Variants in MTO1 observed in about 807,000 individuals in gnomAD.
MTO1 encodes the protein mitochondrial tRNA translation optimization 1.
Under a neutral mutation model 71.6 loss-of-function variants are expected in MTO1, and 46 were observed. That is an observed-to-expected ratio of 0.64 (90% CI 0.51 to 0.82). The LOEUF (loss-of-function observed/expected upper bound fraction) is 0.82, where lower values mean the gene tolerates loss of function less well. Among genes scored for constraint, MTO1 ranks in the 40% least tolerant of loss-of-function variants. MTO1 has a pLI of 0.00. For synonymous variants in MTO1, 297 were observed against 312.1 expected, an observed-to-expected ratio of 0.95 and a Z score of 0.51; for missense variants, 773 against 867.5, an observed-to-expected ratio of 0.89 and a Z score of 1.37.
intron 9 of MTO1, among the ~76,000 whole-genome samples, chr6:73,485,940 TACACAC>T (rs57534567): frequency 6.6e-6 from 1 of 151,130 alleles, no homozygotes; most frequent in East Asian, 1.9e-4. Context: ...GCGTAACACA[TACACAC>T]ACACACACAC....
intron 6 of MTO1, 109 bp from the exon 7 acceptor site, chr6:73,480,566 G>A: frequency 7.2e-7 from 1 of 1,388,536 alleles, no homozygotes; most frequent in South Asian, 1.3e-5. Flanking sequence ...CACTGCTCCT[G>A]ACCTAAATAG....
rs1469464792 is a variant in MTO1 at position 73,505,332 on chromosome 6, A to G, written c.*4597A>G. 2 of 152,262 alleles carry G rather than the reference A, an allele frequency of 1.3e-5. No homozygotes were observed. Among genetic ancestry groups the G allele is most frequent in the African/African-American group, 4.8e-5 (2 of 41,480 alleles). The allele number at this position is 152,262 out of a possible 1,614,324, so 9.4% of individuals were successfully genotyped here. On this transcript the variant is annotated 3_prime_UTR_variant, in exon 12 of 12. Coordinates refer to ENST00000498286, the MANE Select transcript of MTO1 (RefSeq NM_012123.4). Reference sequence around the variant, plus strand: ...GGAATATTATACAGCCTTAAAAAGGAAGGAAATTCATATACATGCTACAGC... The same window carrying G: ...GGAATATTATACAGCCTTAAAAAGGGAGGAAATTCATATACATGCTACAGC...
chr6:73,473,216 T>C, intron 3 of MTO1, 149 bp from the exon 4 acceptor site: 1 of 791,806 alleles, frequency 1.3e-6, no homozygotes. Flanking sequence ...GAGGCGGAGG[T>C]TGCAGTGAGC....
At chr6:73,464,570 G>A (rs1245915384) in intron 1 of MTO1, among the ~76,000 whole-genome samples, 3 of 151,364 alleles carry the variant, frequency 2.0e-5, no homozygotes, top group Non-Finnish European at 2.9e-5. Context: ...ACCTGATGTC[G>A]GAAGTTCGAG....
rs375125275 is a variant in MTO1, at chr6:73,466,248, A to G, written c.257A>G (p.Lys86Arg). Residue 86 changes from lysine (K) to arginine (R), a missense_variant, in exon 2 of 12, where the codon AAG (lysine) becomes AGG (arginine). Lys to Arg is a conservative substitution (Grantham distance 26). Transcript: ENST00000498286. Reference protein sequence around the residue: ...SCNPSFGGIGKGHLMREVDAL... With the variant: ...SCNPSFGGIGRGHLMREVDAL... ...AATCCTTCCTTTGGTGGCATCGGAAAGGGACATTTAATGAGGGAAGTAGAT... is the reference window on the plus strand; with the variant it reads ...AATCCTTCCTTTGGTGGCATCGGAAGGGGACATTTAATGAGGGAAGTAGAT... 1.2e-6 allele frequency: 2 copies of G among 1,613,986 alleles called. No individual in the cohort carries two copies. Among genetic ancestry groups the G allele is most frequent in the African/African-American group, 2.7e-5 (2 of 74,934 alleles).
At chr6:73,477,122 G>T (rs1479018944) in intron 4 of MTO1, among the ~76,000 whole-genome samples, 1 of 150,832 alleles carries the variant, frequency 6.6e-6, no homozygotes, top group Non-Finnish European at 1.5e-5. Context: ...GAGTCCAGGC[G>T]CAGTGGCTCA....
At chr6:73,475,791 T>A (rs1049173867) in intron 4 of MTO1, among the ~76,000 whole-genome samples, 1 of 151,844 alleles carries the variant, frequency 6.6e-6, no homozygotes, top group Non-Finnish European at 1.5e-5. Flanking sequence ...GGATTACAGG[T>A]GTGAGCCATC....
intron 4 of MTO1, 132 bp downstream of exon 4, chr6:73,473,786 A>ATTTTTT (rs112494055): frequency 2.3e-6 from 1 of 429,586 alleles, no homozygotes; most frequent in South Asian, 2.9e-5. Flanking sequence ...CAAAGAAATG[A>ATTTTTT]TTTTTTTTTT....
Position 73,478,958 on chromosome 6 carries a change from G to A in MTO1, c.826-774G>A, listed in dbSNP as rs574496871. On this transcript the variant is annotated intron_variant, in intron 4 of 11. Transcript: ENST00000498286. ...GGCTGGAGTGCAATGGTGCAATCTC[G>A]GCTCACTGCAACCTCCGCCTCCCAG... Among the ~76,000 whole-genome samples, 272 of 145,052 alleles carry A rather than the reference G, an allele frequency of 1.9e-3. 4 individuals are homozygous for A. Among genetic ancestry groups the A allele is most frequent in the Non-Finnish European group, 7.2e-4 (48 of 66,772 alleles).
At chr6:73,479,622 C>T (rs946444740) in intron 4 of MTO1, 110 bp from the exon 5 acceptor site, 3 of 752,776 alleles carry the variant, frequency 4.0e-6, no homozygotes, top group African/African-American at 1.8e-5. Context: ...AGGCATTATG[C>T]ACAAGTTTAG....
chr6:73,481,986 A>T, intron 7 of MTO1, 54 bp from the exon 8 acceptor site: 1 of 1,589,900 alleles, frequency 6.3e-7, no homozygotes, highest in Non-Finnish European at 8.6e-7. Flanking sequence ...TCTGAATGGG[A>T]TAGCCGTTTG....
At chr6:73,492,463 CA>C (rs1771839874) in intron 10 of MTO1, 111 bp downstream of exon 10, 1 of 716,044 alleles carries the variant, frequency 1.4e-6, no homozygotes, top group Non-Finnish European at 2.4e-6. Context: ...CTGTGCTTTT[CA>C]AAAGTGTGGT....
intron 3 of MTO1, among the ~76,000 whole-genome samples, chr6:73,470,147 A>G (rs549613381): frequency 6.6e-6 from 1 of 152,292 alleles, no homozygotes; most frequent in South Asian, 2.1e-4. Flanking sequence ...ATGGTAAGAG[A>G]GGCTGTGCCA....
chr6:73,473,717 G>A (rs1262467253), intron 4 of MTO1, 63 bp downstream of exon 4: 6 of 947,644 alleles, frequency 6.3e-6, no homozygotes, highest in Non-Finnish European at 8.5e-6. Context: ...AGGAAGTACT[G>A]TAACTTTTTT....
Position 73,461,862 on chromosome 6 carries a change from A to G in MTO1, c.8A>G (p.Tyr3Cys), listed in dbSNP as rs769183932. 2.2e-5 allele frequency: 35 copies of G among 1,612,904 alleles called. No homozygotes were observed. The highest frequency in any genetic ancestry group is 4.0e-5 in the African/African-American group (3 of 74,920). The change falls in exon 1 of 12, where the codon TAC (tyrosine) becomes TGC (cysteine). Residue 3 changes from tyrosine (Y) to cysteine (C), a missense_variant. Transcript: ENST00000498286. ...ATAGATTTTTCTCCCAGCATGTTCT[A>G]CTTCCGAGGCTGTGGCCGTTGGGTC... The part of the protein sequence containing the change: MF[Y>C]FRGCGRWVAV...
chr6:73,492,261 A>T lies in MTO1; in HGVS notation c.1665A>T (p.Glu555Asp). 6.2e-7 allele frequency: 1 copy of T among 1,613,552 alleles called. No individual in the cohort carries two copies. Among genetic ancestry groups the T allele is most frequent in the South Asian group, 1.1e-5 (1 of 91,066 alleles). Residue 555 changes from glutamate to aspartate, a missense_variant, in exon 10 of 12, where the codon GAA becomes GAT. By Grantham distance (45) the Glu-to-Asp change is conservative. Transcript: ENST00000498286. Reference protein sequence around the residue: ...VRALDVLKYEEVDMDSLAKAV... With the variant: ...VRALDVLKYEDVDMDSLAKAV... Reference sequence around the variant, plus strand: ...CTCTCGATGTTCTGAAGTATGAGGAAGTTGACATGGATTCATTAGCCAAGG... The same window carrying T: ...CTCTCGATGTTCTGAAGTATGAGGATGTTGACATGGATTCATTAGCCAAGG...
intron 9 of MTO1, among the ~76,000 whole-genome samples, chr6:73,485,096 C>T (rs1286830143): frequency 6.8e-6 from 1 of 147,176 alleles, no homozygotes; most frequent in African/African-American, 2.5e-5. Context: ...TCTTTTATAA[C>T]AAATATCACA....
At position 73,483,366 on chromosome 6, in the gene MTO1, G is replaced by A. The variant is rs1056074707; in HGVS notation, c.1637+746G>A. Reference sequence around the variant, plus strand: ...AGAGGTTGCAGTGAGCCAAGATCACGCCTCTGCACTCCAGCCTGGGTGAGA... The same window carrying A: ...AGAGGTTGCAGTGAGCCAAGATCACACCTCTGCACTCCAGCCTGGGTGAGA... On this transcript the variant is annotated intron_variant, in intron 9 of 11. Transcript: ENST00000498286. 5.3e-5 allele frequency among the ~76,000 whole-genome samples: 8 copies of A among 151,948 alleles called. No individual in the cohort carries two copies. The South Asian group carries it at 6.2e-4, about 12-fold the overall frequency.
chr6:73,483,242 C>G (rs1771562957), intron 9 of MTO1, among the ~76,000 whole-genome samples: 1 of 151,972 alleles, frequency 6.6e-6, no homozygotes, highest in Non-Finnish European at 1.5e-5. Context: ...AATCCCATCT[C>G]TACTAAAAAT....
Sources: allele counts gnomAD v4.1 joint callset (sites outside exome capture counted in the v4.1 genomes callset), GRCh38; gene constraint gnomAD v4.1.1; transcripts MANE v1.5; gene names NCBI Gene and HGNC (gene_info 2026-07-23, HGNC 2026-07-21).